CNTLN: variants seen among roughly 807,000 people sequenced by gnomAD.
The protein encoded by CNTLN is centlein.
In CNTLN, 212 loss-of-function variants were observed where a neutral mutation model predicts 180.0. The ratio of observed to expected loss-of-function variants is 1.18; its 90% confidence interval spans 1.05 to 1.32. The LOEUF is 1.32. CNTLN is among the 40% of genes most tolerant of loss of function. CNTLN has a pLI of 0.00. For synonymous variants in CNTLN, 722 were observed against 563.1 expected (o/e 1.28, Z -3.99); for missense variants, 2,095 against 1,610.9 (o/e 1.30, Z -5.14).
At chr9:17,322,033 GTTGAC>G (rs1292339930) in intron 8 of CNTLN, among the ~76,000 whole-genome samples, 1 of 152,034 alleles carries the variant, frequency 6.6e-6, no homozygotes, top group African/African-American at 2.4e-5. Flanking sequence ...AATTTGAAAA[GTTGAC>G]TTGATTTATT....
chr9:17,244,503 C>T (rs1202718127), intron 5 of CNTLN, among the ~76,000 whole-genome samples: 1 of 152,188 alleles, frequency 6.6e-6, no homozygotes, highest in Non-Finnish European at 1.5e-5. Flanking sequence ...TAGGTATGCA[C>T]CACCATGCCT....
chr9:17,166,647 G>T (rs1187819436), intron 2 of CNTLN, among the ~76,000 whole-genome samples: 3 of 152,162 alleles, frequency 2.0e-5, no homozygotes, highest in African/African-American at 7.2e-5. Context: ...AACAGTGATT[G>T]TCTCAATTGC....
intron 5 of CNTLN, among the ~76,000 whole-genome samples, chr9:17,260,229 A>G (rs1485040634): frequency 1.3e-5 from 2 of 149,498 alleles, no homozygotes; most frequent in East Asian, 4.0e-4. Context: ...TCATTTCGTT[A>G]TGTACCCAGT....
At chr9:17,194,793 A>AT (rs1424372463) in intron 2 of CNTLN, among the ~76,000 whole-genome samples, 1 of 152,232 alleles carries the variant, frequency 6.6e-6, no homozygotes, top group African/African-American at 2.4e-5. Flanking sequence ...TCATAAAGAC[A>AT]TATCTGAGAC....
At chr9:17,520,877 G>C in the CNTLN span, among the ~76,000 whole-genome samples, 3 of 152,208 alleles carry the variant, frequency 2.0e-5, no homozygotes, top group Admixed American at 2.0e-4. Context: ...ATGGAGGCTA[G>C]ACAATGGCAA....
intron 8 of CNTLN, among the ~76,000 whole-genome samples, chr9:17,311,426 A>G (rs1364333256): frequency 2.0e-5 from 3 of 150,710 alleles, no homozygotes; most frequent in Non-Finnish European, 2.9e-5. Context: ...AAGATTCCCA[A>G]TCAAAATCCC....
At chr9:17,250,742 T>G (rs1376556783) in intron 5 of CNTLN, among the ~76,000 whole-genome samples, 2 of 152,076 alleles carry the variant, frequency 1.3e-5, no homozygotes, top group African/African-American at 4.8e-5. Flanking sequence ...TATATAGTTT[T>G]TATGTGTTTG....
At chr9:17,524,098 GT>G in the CNTLN span, among the ~76,000 whole-genome samples, 1 of 152,206 alleles carries the variant, frequency 6.6e-6, no homozygotes, top group Non-Finnish European at 1.5e-5. Flanking sequence ...GTATATACCA[GT>G]TAATGGTAAT....
At chr9:17,170,596 A>C (rs1825657139) in intron 2 of CNTLN, among the ~76,000 whole-genome samples, 1 of 151,966 alleles carries the variant, frequency 6.6e-6, no homozygotes, top group Non-Finnish European at 1.5e-5. Context: ...TGATGTTGAC[A>C]CTATTTCATT....
intron 5 of CNTLN, among the ~76,000 whole-genome samples, chr9:17,267,028 G>A (rs917303393): frequency 6.6e-6 from 1 of 152,112 alleles, no homozygotes; most frequent in Non-Finnish European, 1.5e-5. Context: ...GGAGCATGTT[G>A]CCCATTTACA....
chr9:17,504,702 T>A (rs1187920971), downstream of CNTLN, among the ~76,000 whole-genome samples: 1 of 152,040 alleles, frequency 6.6e-6, no homozygotes, highest in African/African-American at 2.4e-5. Flanking sequence ...AAGAGAAATT[T>A]GAAGATGCCA....
intron 6 of CNTLN, among the ~76,000 whole-genome samples, chr9:17,276,056 G>T (rs1442518153): frequency 2.0e-5 from 3 of 152,004 alleles, no homozygotes; most frequent in Middle Eastern, 6.3e-3. Flanking sequence ...TGGGTAACAG[G>T]ATCCATACCC....
chr9:17,207,566 C>G (rs112902773), intron 2 of CNTLN, among the ~76,000 whole-genome samples: 12 of 152,260 alleles, frequency 7.9e-5, no homozygotes, highest in African/African-American at 2.4e-4. Flanking sequence ...AGCACAGTCC[C>G]TTGTGGCTTC....
intron 2 of CNTLN, among the ~76,000 whole-genome samples, chr9:17,144,458 T>C (rs925867296): frequency 3.3e-5 from 5 of 152,190 alleles, no homozygotes; most frequent in Non-Finnish European, 1.5e-5. Flanking sequence ...GCCTTGGGAC[T>C]TCAATTGTCA....
At chr9:17,448,827 T>C (rs1830604468) in intron 18 of CNTLN, among the ~76,000 whole-genome samples, 1 of 152,186 alleles carries the variant, frequency 6.6e-6, no homozygotes, top group South Asian at 2.1e-4. Flanking sequence ...GAAGGAAGAA[T>C]ATAATTAAAG....
the CNTLN span, among the ~76,000 whole-genome samples, chr9:17,524,906 C>A: frequency 6.6e-6 from 1 of 152,148 alleles, no homozygotes; most frequent in African/African-American, 2.4e-5. Flanking sequence ...TCCACTTGTC[C>A]TGTTGTTGCT....
At chr9:17,421,888 C>T (rs1828751981) in intron 18 of CNTLN, among the ~76,000 whole-genome samples, 1 of 152,150 alleles carries the variant, frequency 6.6e-6, no homozygotes, top group African/African-American at 2.4e-5. Flanking sequence ...ATCCAATCCC[C>T]ACTTTTACAG....
At chr9:17,320,932 C>T (rs749316952) in intron 8 of CNTLN, among the ~76,000 whole-genome samples, 1 of 152,188 alleles carries the variant, frequency 6.6e-6, no homozygotes, top group Non-Finnish European at 1.5e-5. Flanking sequence ...TGCATTCCAG[C>T]AGGATTATAC....
chr9:17,428,825 G>A (rs373140639), intron 18 of CNTLN, among the ~76,000 whole-genome samples: 4 of 152,032 alleles, frequency 2.6e-5, no homozygotes, highest in African/African-American at 7.2e-5. Context: ...TTATAGGAAG[G>A]AAAGTTATTT....
Sources: gnomAD v4.1 joint callset for allele counts (sites outside exome capture counted in the v4.1 genomes callset) on GRCh38, gnomAD v4.1.1 for gene constraint, MANE v1.5 for transcripts, NCBI Gene and HGNC (gene_info 2026-07-23, HGNC 2026-07-21) for gene names.